The following CCDC30 variants were observed in gnomAD, a reference collection of about 807,000 sequenced individuals.
CCDC30 encodes coiled-coil domain containing 30.
Under a neutral mutation model 100.2 loss-of-function variants are expected in CCDC30, and 70 were observed. That is an observed-to-expected ratio of 0.70 (90% CI 0.58 to 0.85). The LOEUF is 0.85. Among genes scored for constraint, CCDC30 ranks in the 40% least tolerant of loss-of-function variants. The pLI, the probability that CCDC30 is intolerant of heterozygous loss-of-function variation, is 0.00. For missense variants in CCDC30, 652 were observed against 771.2 expected, an observed-to-expected ratio of 0.85 and a Z score of 1.83; for synonymous variants, 233 against 269.5, an observed-to-expected ratio of 0.86 and a Z score of 1.33.
At chr1:42,459,659 C>T (rs750555341), upstream of CCDC30, 1 of 1,614,026 alleles carries the variant, frequency 6.2e-7, no homozygotes, top group Non-Finnish European at 8.5e-7. Flanking sequence ...ATTGGGCTCC[C>T]AAAGCATTTA....
At chr1:42,533,331 AAAG>A (rs879812568) in intron 6 of CCDC30, among the ~76,000 whole-genome samples, 18 of 152,292 alleles carry the variant, frequency 1.2e-4, no homozygotes, top group African/African-American at 3.1e-4. Context: ...AAGCAGAAAG[AAAG>A]AAGAAGAAAG....
At chr1:42,562,609 G>A (rs533953840) in intron 6 of CCDC30, among the ~76,000 whole-genome samples, 1 of 152,172 alleles carries the variant, frequency 6.6e-6, no homozygotes, top group African/African-American at 2.4e-5. Flanking sequence ...GACAAAATGA[G>A]ATCTAATTAA....
intron 12 of CCDC30, among the ~76,000 whole-genome samples, chr1:42,639,029 C>G (rs1249141538): frequency 6.6e-6 from 1 of 152,106 alleles, no homozygotes; most frequent in Non-Finnish European, 1.5e-5. Flanking sequence ...GCCAGAAAAA[C>G]AGTCTTCTGC....
downstream of CCDC30, among the ~76,000 whole-genome samples, chr1:42,655,599 G>C (rs1015615915): frequency 4.6e-5 from 7 of 152,162 alleles, no homozygotes; most frequent in Admixed American, 6.6e-5. Context: ...AATACCAAGA[G>C]CTTTTCCTGG....
chr1:42,588,277 G>A (rs967407739), intron 9 of CCDC30, among the ~76,000 whole-genome samples: 4 of 152,330 alleles, frequency 2.6e-5, no homozygotes, highest in Admixed American at 6.5e-5. Context: ...GAGACTGAAA[G>A]AGTGCTAATG....
At chr1:42,536,688 T>A in intron 6 of CCDC30, 87 bp downstream of exon 7, 1 of 968,214 alleles carries the variant, frequency 1.0e-6, no homozygotes, top group South Asian at 1.6e-5. Context: ...AGTATAACTA[T>A]GTGTCTCAGC....
At chr1:42,522,330 T>C (rs1644661346) in intron 6 of CCDC30, among the ~76,000 whole-genome samples, 1 of 152,182 alleles carries the variant, frequency 6.6e-6, no homozygotes, top group Admixed American at 6.5e-5. Context: ...TAGAGTTTAA[T>C]CCATTTACAT....
chr1:42,643,898 G>T (rs759850600), intron 13 of CCDC30, among the ~76,000 whole-genome samples: 80 of 152,264 alleles, frequency 5.3e-4, no homozygotes, highest in Middle Eastern at 3.4e-3. Flanking sequence ...AACAGAACCA[G>T]ATGCAAGCTA....
At chr1:42,485,067 A>G (rs1481628729) in intron 3 of CCDC30, among the ~76,000 whole-genome samples, 1 of 152,146 alleles carries the variant, frequency 6.6e-6, no homozygotes, top group Non-Finnish European at 1.5e-5. Context: ...GTTTAAAAAG[A>G]GTTCTTATTT....
chr1:42,626,811 C>T (rs965663586), intron 11 of CCDC30, among the ~76,000 whole-genome samples: 2 of 152,160 alleles, frequency 1.3e-5, no homozygotes, highest in Non-Finnish European at 2.9e-5. Flanking sequence ...CTTTCACTCC[C>T]GTCATGATTC....
intron 4 of CCDC30, among the ~76,000 whole-genome samples, chr1:42,494,380 T>G (rs995381014): frequency 6.6e-6 from 1 of 152,164 alleles, no homozygotes; most frequent in Non-Finnish European, 1.5e-5. Flanking sequence ...ACTTACATGT[T>G]AGACCTAAAA....
chr1:42,598,841 G>T (rs1259619141), intron 10 of CCDC30, among the ~76,000 whole-genome samples: 1 of 151,894 alleles, frequency 6.6e-6, no homozygotes, highest in African/African-American at 2.4e-5. Flanking sequence ...CAGGAGGATC[G>T]CTTGAGACCA....
chr1:42,529,968 A>G lies in CCDC30; in HGVS notation c.456+31052A>G, dbSNP rs150995997. ...TTTTAAGTTGTGAACCATTCTGAGT[A>G]CCATGATGAAATCTTACACTGTCCT... On this transcript the variant is annotated intron_variant, in intron 6 of 16. Transcript: ENST00000668663. 2.3e-3 allele frequency among the ~76,000 whole-genome samples: 346 copies of G among 152,374 alleles called. 2 individuals carry two copies. Among genetic ancestry groups the G allele is most frequent in the African/African-American group, 8.0e-3 (333 of 41,584 alleles).
intron 6 of CCDC30, among the ~76,000 whole-genome samples, chr1:42,544,881 G>A (rs1645090903): frequency 1.3e-5 from 2 of 152,100 alleles, no homozygotes. Flanking sequence ...ATGGAAGAAA[G>A]TTCTTCTCTG....
chr1:42,580,666 A>G (rs1294331698), intron 8 of CCDC30, among the ~76,000 whole-genome samples: 2 of 152,218 alleles, frequency 1.3e-5, no homozygotes, highest in African/African-American at 2.4e-5. Flanking sequence ...ATGTTTTTAA[A>G]TGACACTTTA....
chr1:42,548,894 A>G (rs1645195072), intron 6 of CCDC30, among the ~76,000 whole-genome samples: 3 of 152,360 alleles, frequency 2.0e-5, no homozygotes, highest in Middle Eastern at 3.4e-3. Flanking sequence ...GAAGCTGCTT[A>G]TAAGCCAAGT....
chr1:42,578,866 G>A (rs1037904923), intron 8 of CCDC30, among the ~76,000 whole-genome samples: 2 of 152,134 alleles, frequency 1.3e-5, no homozygotes, highest in African/African-American at 4.8e-5. Flanking sequence ...GTATATGGTA[G>A]TATTACTGGT....
At chr1:42,498,326 C>G (rs1644259209) in intron 5 of CCDC30, among the ~76,000 whole-genome samples, 1 of 152,024 alleles carries the variant, frequency 6.6e-6, no homozygotes, top group Non-Finnish European at 1.5e-5. Flanking sequence ...AGTTTCAGTG[C>G]AAGATGAAGA....
intron 6 of CCDC30, among the ~76,000 whole-genome samples, chr1:42,554,273 TTC>T (rs1645320861): frequency 7.0e-6 from 1 of 143,044 alleles, no homozygotes; most frequent in Non-Finnish European, 1.5e-5. Flanking sequence ...ATTTTATGGC[TTC>T]TTTTTTTTTT....
Sources: gnomAD v4.1 joint callset for allele counts (sites outside exome capture counted in the v4.1 genomes callset) on GRCh38, gnomAD v4.1.1 for gene constraint, MANE v1.5 for transcripts, NCBI Gene and HGNC (gene_info 2026-07-23, HGNC 2026-07-21) for gene names.